The following SULF2 variants were observed in gnomAD, a reference collection of about 807,000 sequenced individuals.
SULF2 encodes extracellular sulfatase Sulf-2.
A neutral mutation model predicts 107.7 loss-of-function variants in SULF2; 52 were observed. That is an observed-to-expected ratio of 0.48 (90% confidence interval 0.39 to 0.61). The LOEUF is 0.61. Among genes scored for constraint, SULF2 ranks in the 20% least tolerant of loss-of-function variants. SULF2 has a pLI of 0.00. For missense variants in SULF2, 993 were observed against 1,177.3 expected, an observed-to-expected ratio of 0.84 and a Z score of 2.29; for synonymous variants, 460 against 464.3, an observed-to-expected ratio of 0.99 and a Z score of 0.12.
intron 1 of SULF2, among the ~76,000 whole-genome samples, chr20:47,780,099 C>A (rs2122716842): frequency 6.7e-6 from 1 of 150,340 alleles, no homozygotes; most frequent in Non-Finnish European, 1.5e-5. Flanking sequence ...TCACAGCAAC[C>A]CCTGCCTCCC....
At chr20:47,665,990 G>A (rs371844997) in intron 12 of SULF2, 37 bp from the exon 13 acceptor site, 2 of 1,605,818 alleles carry the variant, frequency 1.2e-6, no homozygotes, top group African/African-American at 2.7e-5. Flanking sequence ...GCTCGGAGGT[G>A]GTGGAGGGGG....
chr20:47,785,856 G>GC (rs1471914115), upstream of SULF2: 1 of 152,010 alleles, frequency 6.6e-6, no homozygotes, highest in Non-Finnish European at 1.5e-5. Context: ...GGGACGCGCG[G>GC]CCCGCGACCC....
At chr20:47,780,915 G>A (rs568689073) in intron 1 of SULF2, among the ~76,000 whole-genome samples, 5 of 152,278 alleles carry the variant, frequency 3.3e-5, no homozygotes, top group Non-Finnish European at 5.9e-5. Flanking sequence ...AGAGGCCCAC[G>A]CTCCAGAGCT....
At chr20:47,659,540 T>TA in intron 19 of SULF2, 88 bp from the exon 20 acceptor site, 1 of 1,456,386 alleles carries the variant, frequency 6.9e-7, no homozygotes, top group Non-Finnish European at 9.6e-7. Context: ...GAAGGTCTCC[T>TA]AGGTGACACC....
intron 3 of SULF2, among the ~76,000 whole-genome samples, chr20:47,705,180 A>G (rs1568837965): frequency 6.6e-6 from 1 of 152,196 alleles, no homozygotes; most frequent in East Asian, 1.9e-4. Context: ...AGCTGATGAA[A>G]CACCTCCTGT....
chr20:47,750,188 G>C (rs961641297), intron 2 of SULF2, among the ~76,000 whole-genome samples: 1 of 152,148 alleles, frequency 6.6e-6, no homozygotes, highest in Admixed American at 6.5e-5. Flanking sequence ...CACTATGTTG[G>C]CCAGGATGGT....
rs2089158709 is a variant in SULF2, at chr20:47,717,467, G to T, written c.416-14797C>A. Among the ~76,000 whole-genome samples, 3 of 152,208 alleles carry T rather than the reference G, an allele frequency of 2.0e-5. No homozygotes were observed. The South Asian group carries it at 6.2e-4, about 31-fold the overall frequency. On this transcript the variant is annotated intron_variant, in intron 3 of 20. Transcript: ENST00000688720. ...GACTGGAGCTCTTCCCATCCACGGG[G>T]ACGCAGAGAGGCAGGGAAGAGGGAA...
intron 3 of SULF2, among the ~76,000 whole-genome samples, chr20:47,717,389 T>C (rs946605870): frequency 2.6e-5 from 4 of 152,184 alleles, no homozygotes; most frequent in Admixed American, 6.5e-5. Flanking sequence ...TGTCTCCACC[T>C]GCCTTTTGGT....
chr20:47,683,065 T>C lies in SULF2; in HGVS notation c.993A>G (p.Lys331=). The C allele has an allele frequency of 1.2e-6, 2 of 1,613,650 alleles. No individual in the cohort carries two copies. The highest frequency in any genetic ancestry group is 1.7e-5 in the Admixed American group (1 of 60,016). The change falls in exon 7 of 21, where the codon AAA becomes AAG. Residue 331 remains lysine, a synonymous_variant. Transcript: ENST00000688720. ...HIGQFGLVKG[K]SMPYEFDIRV... Reference sequence around the variant, plus strand: ...TGATGTCAAACTCATATGGCATGGATTTCCCTTTCACCAGGCCAAACTGGC... The same window carrying C: ...TGATGTCAAACTCATATGGCATGGACTTCCCTTTCACCAGGCCAAACTGGC...
chr20:47,762,918 G>T (rs978700357), intron 1 of SULF2, among the ~76,000 whole-genome samples: 1 of 152,234 alleles, frequency 6.6e-6, no homozygotes, highest in Non-Finnish European at 1.5e-5. Flanking sequence ...ATCAGATCAA[G>T]TCATCAGTGG....
chr20:47,733,866 A>T (rs2089671618), intron 3 of SULF2, among the ~76,000 whole-genome samples: 1 of 152,212 alleles, frequency 6.6e-6, no homozygotes, highest in South Asian at 2.1e-4. Context: ...ATACATTAAA[A>T]GCACTATTTA....
intron 2 of SULF2, among the ~76,000 whole-genome samples, chr20:47,750,810 C>G (rs546698938): frequency 6.6e-6 from 1 of 152,344 alleles, no homozygotes; most frequent in East Asian, 1.9e-4. Flanking sequence ...TCTGAGCCTG[C>G]TGAGACCGCA....
At chr20:47,699,656 C>T (rs1010327060) in intron 4 of SULF2, among the ~76,000 whole-genome samples, 3 of 152,186 alleles carry the variant, frequency 2.0e-5, no homozygotes, top group Admixed American at 6.5e-5. Flanking sequence ...GGCAGAAGAA[C>T]GACATGGTGG....
intron 3 of SULF2, among the ~76,000 whole-genome samples, chr20:47,717,156 T>G (rs902356850): frequency 6.6e-6 from 1 of 152,224 alleles, no homozygotes; most frequent in Non-Finnish European, 1.5e-5. Flanking sequence ...AGTGTCCTGG[T>G]ATTATCATGA....
chr20:47,769,053 T>C (rs2090579592), intron 1 of SULF2, among the ~76,000 whole-genome samples: 1 of 151,864 alleles, frequency 6.6e-6, no homozygotes, highest in African/African-American at 2.4e-5. Flanking sequence ...CCTCATTTTT[T>C]TTTTGAGACG....
chr20:47,661,349 C>T (rs2087060201), intron 18 of SULF2: 2 of 153,212 alleles, frequency 1.3e-5, no homozygotes, highest in African/African-American at 2.4e-5. Context: ...CTGGATTCTA[C>T]CATCCAGTTT....
intron 1 of SULF2, among the ~76,000 whole-genome samples, chr20:47,761,357 C>T (rs2146928541): frequency 6.6e-6 from 1 of 152,330 alleles, no homozygotes; most frequent in African/African-American, 2.4e-5. Context: ...TCTTTCCGTT[C>T]AAGGACCACG....
intron 2 of SULF2, among the ~76,000 whole-genome samples, chr20:47,738,756 C>A (rs1057001268): frequency 1.3e-5 from 2 of 152,244 alleles, no homozygotes; most frequent in Non-Finnish European, 2.9e-5. Context: ...TCCCCAGCCA[C>A]ATGGAACTAA....
At chr20:47,785,524 C>A (rs1481108351), upstream of SULF2, 2 of 146,588 alleles carry the variant, frequency 1.4e-5, no homozygotes, top group Admixed American at 6.8e-5. Context: ...CTGCCTCCTC[C>A]CCGCCCCCCA....
Sources: allele counts gnomAD v4.1 joint callset (sites outside exome capture counted in the v4.1 genomes callset), GRCh38; gene constraint gnomAD v4.1.1; transcripts MANE v1.5; gene names NCBI Gene and HGNC (gene_info 2026-07-23, HGNC 2026-07-21).